FAM149B1: variants seen among roughly 807,000 people sequenced by gnomAD.
The protein encoded by FAM149B1 is primary cilium assembly protein FAM149B1.
Under a neutral mutation model 75.3 loss-of-function variants are expected in FAM149B1, and 56 were observed. The ratio of observed to expected loss-of-function variants is 0.74; its 90% CI spans 0.60 to 0.93. FAM149B1 has a LOEUF of 0.93. Among genes scored for constraint, FAM149B1 ranks in the 40% least tolerant of loss-of-function variants. The probability of loss-of-function intolerance (pLI) is 0.00; values close to 1 mark genes in which losing one functional copy is unlikely to be tolerated. For missense variants in FAM149B1, 639 were observed against 708.4 expected, an observed-to-expected ratio of 0.90 and a Z score of 1.11; for synonymous variants, 259 against 256.1, an observed-to-expected ratio of 1.01 and a Z score of -0.11.
At position 73,201,338 on chromosome 10, in the gene FAM149B1, C is replaced by T. The variant is rs189773758; in HGVS notation, c.543-7281C>T. 9 of 164,642 alleles carry T rather than the reference C, an allele frequency of 5.5e-5. No individual in the cohort carries two copies. In the East Asian group the frequency reaches 1.3e-3, roughly 24 times the overall value. The allele number at this position is 164,642 out of a possible 1,614,324, so 10.2% of individuals were successfully genotyped here. ...AATATTTGAATCTTGTCTCAATTCTCATAACAGATCAGAAATACAGATTTT... is the reference window on the plus strand; with the variant it reads ...AATATTTGAATCTTGTCTCAATTCTTATAACAGATCAGAAATACAGATTTT... On this transcript the variant is annotated intron_variant, in intron 5 of 13. Coordinates refer to ENST00000242505, the MANE Select transcript of FAM149B1 (RefSeq NM_173348.2).
chr10:73,228,252 G>C, intron 8 of FAM149B1, 68 bp downstream of exon 8: 1 of 1,364,010 alleles, frequency 7.3e-7, no homozygotes, highest in Admixed American at 2.1e-5. Flanking sequence ...GCTCAGAGTT[G>C]TTTGCCTTAC....
Position 73,177,918 on chromosome 10 carries a change from T to A in FAM149B1, c.225T>A (p.Ser75Arg). The A allele has an allele frequency of 6.4e-7, 1 of 1,551,740 alleles. No homozygotes were observed. The highest frequency in any genetic ancestry group is 8.7e-7 in the Non-Finnish European group (1 of 1,146,952). ...DTGNSLSAFPSYTGAGISTEG... is the reference protein window; with the variant it reads ...DTGNSLSAFPRYTGAGISTEG... ...GGAATTCACTGTCTGCTTTTCCAAG[T>A]TATACAGGCGCAGGGATATCTACTG... The change falls in exon 3 of 14, where the codon AGT becomes AGA. Residue 75 changes from serine to arginine, a missense_variant. Transcript: ENST00000242505.
chr10:73,177,858 C>A lies in FAM149B1; in HGVS notation c.165C>A (p.Ile55=). ...ATTGTGCCTTTAGCAAGTCTGACAT[C>A]ACAAGAGAATCATCTTTTACATCAG... ...KDTSSQSKSD[I]TRESSFTSAD... Residue 55 remains isoleucine, a synonymous_variant, in exon 3 of 14, where the codon ATC becomes ATA. Transcript: ENST00000242505. 1 of 1,550,412 alleles carries A rather than the reference C, an allele frequency of 6.4e-7. No individual in the cohort carries two copies. The highest frequency in any genetic ancestry group is 1.2e-5 in the South Asian group (1 of 84,024).
At chr10:73,206,638 G>A (rs1013503656) in intron 5 of FAM149B1, among the ~76,000 whole-genome samples, 23 of 152,192 alleles carry the variant, frequency 1.5e-4, no homozygotes, top group African/African-American at 5.5e-4. Flanking sequence ...GAGCAGCCTT[G>A]GGACACTGCT....
intron 7 of FAM149B1, among the ~76,000 whole-genome samples, chr10:73,227,041 T>C (rs191430979): frequency 6.6e-6 from 1 of 152,360 alleles, no homozygotes; most frequent in East Asian, 1.9e-4. Context: ...TTTTAACTTT[T>C]AATCAAGACA....
Position 73,208,739 on chromosome 10 carries a change from C to T in FAM149B1, c.663C>T (p.Val221=), listed in dbSNP as rs2043122577. The change falls in exon 6 of 14, where the codon GTC becomes GTT. Residue 221 remains valine (V), a synonymous_variant. Transcript: ENST00000242505. The part of the protein sequence containing the change: ...MERDEEDSII[V]SEGIIEEYLA... ...GAGATGAGGAAGACTCTATAATCGT[C>T]TCAGAAGGAATAATTGAGGAATACC... The T allele has an allele frequency of 1.9e-6, 3 of 1,539,984 alleles. No homozygotes were observed. Among genetic ancestry groups the T allele is most frequent in the African/African-American group, 1.4e-5 (1 of 72,808 alleles).
At chr10:73,214,262 AG>A (rs1274803464) in intron 7 of FAM149B1, among the ~76,000 whole-genome samples, 1 of 152,204 alleles carries the variant, frequency 6.6e-6, no homozygotes, top group Middle Eastern at 3.2e-3. Flanking sequence ...ATCAGCAAAC[AG>A]GGCAATTTGC....
At chr10:73,170,900 G>A (rs1843682264) in intron 1 of FAM149B1, among the ~76,000 whole-genome samples, 1 of 151,688 alleles carries the variant, frequency 6.6e-6, no homozygotes, top group Non-Finnish European at 1.5e-5. Flanking sequence ...AAAAAATCTT[G>A]TATGGAAAAA....
intron 7 of FAM149B1, among the ~76,000 whole-genome samples, chr10:73,219,031 G>C (rs1004040416): frequency 6.6e-6 from 1 of 152,076 alleles, no homozygotes; most frequent in Non-Finnish European, 1.5e-5. Flanking sequence ...CCAATAACAT[G>C]TTCCAGGTCT....
chr10:73,237,398 T>C (rs1434270209), intron 12 of FAM149B1, among the ~76,000 whole-genome samples: 1 of 152,120 alleles, frequency 6.6e-6, no homozygotes, highest in Non-Finnish European at 1.5e-5. Context: ...GATGATTATA[T>C]TACACAGCTA....
chr10:73,178,007 C>G, intron 3 of FAM149B1, 32 bp downstream of exon 3: 1 of 1,512,602 alleles, frequency 6.6e-7, no homozygotes, highest in Non-Finnish European at 8.8e-7. Flanking sequence ...TGATAGAGTG[C>G]TTGGGAGATG....
At chr10:73,228,218 G>A in intron 8 of FAM149B1, 34 bp downstream of exon 8, 6 of 1,544,662 alleles carry the variant, frequency 3.9e-6, no homozygotes, top group Non-Finnish European at 2.6e-6. Flanking sequence ...GAGACCCCAG[G>A]GCTACTCTCA....
rs1439341462 is a variant in FAM149B1, at chr10:73,228,133, G to T, written c.972G>T (p.Leu324Phe). The change falls in exon 8 of 14, where the codon TTG becomes TTT. Residue 324 changes from leucine to phenylalanine, a missense_variant. Leu to Phe is a conservative substitution (Grantham distance 22). Transcript: ENST00000242505. The part of the protein sequence containing the change: ...SSCVLSELHP[L>F]VLPRVPQSKV... ...GTGTGCTGAGTGAACTACATCCTTT[G>T]GTGTTACCGCGAGTGCCACAGTCTA... 1 of 1,551,368 alleles carries T rather than the reference G, an allele frequency of 6.4e-7. No individual in the cohort carries two copies. Among genetic ancestry groups the T allele is most frequent in the Non-Finnish European group, 8.7e-7 (1 of 1,146,754 alleles).
chr10:73,220,151 C>A (rs1476580137), intron 7 of FAM149B1, among the ~76,000 whole-genome samples: 9 of 151,852 alleles, frequency 5.9e-5, no homozygotes, highest in African/African-American at 2.2e-4. Context: ...AGACGCTGTA[C>A]ATCGTTAGTC....
chr10:73,215,762 G>C (rs756898198), intron 7 of FAM149B1, among the ~76,000 whole-genome samples: 1 of 152,070 alleles, frequency 6.6e-6, no homozygotes, highest in East Asian at 1.9e-4. Context: ...TTCCACTGTG[G>C]TCTGAGAAGA....
At chr10:73,220,273 A>G (rs1045973123) in intron 7 of FAM149B1, among the ~76,000 whole-genome samples, 1 of 152,130 alleles carries the variant, frequency 6.6e-6, no homozygotes, top group African/African-American at 2.4e-5. Context: ...AAAAATAACA[A>G]GTGTTAGTAA....
intron 7 of FAM149B1, among the ~76,000 whole-genome samples, chr10:73,214,322 T>C (rs373891964): frequency 2.6e-5 from 4 of 152,318 alleles, no homozygotes; most frequent in African/African-American, 7.2e-5. Flanking sequence ...TTTTGCCTGA[T>C]TGCTGTGACA....
At chr10:73,187,597 C>T (rs529882193) in intron 3 of FAM149B1, among the ~76,000 whole-genome samples, 2 of 151,228 alleles carry the variant, frequency 1.3e-5, no homozygotes, top group Middle Eastern at 3.4e-3. Flanking sequence ...GGTGTGGTGG[C>T]GCAGGCCTGT....
chr10:73,174,585 A>C, intron 1 of FAM149B1, 102 bp from the exon 2 acceptor site: 1 of 796,256 alleles, frequency 1.3e-6, no homozygotes, highest in East Asian at 2.7e-5. Context: ...CAGACAGTGC[A>C]GTTCCAGAGC....
Sources: gnomAD v4.1 joint callset for allele counts (sites outside exome capture counted in the v4.1 genomes callset) on GRCh38, gnomAD v4.1.1 for gene constraint, MANE v1.5 for transcripts, NCBI Gene and HGNC (gene_info 2026-07-23, HGNC 2026-07-21) for gene names.